The following LARS2 variants were observed in gnomAD, a reference collection of about 807,000 sequenced individuals.
LARS2 encodes the protein leucine--tRNA ligase, mitochondrial.
In LARS2, 81 loss-of-function variants were observed where a neutral mutation model predicts 116.6. That is an observed-to-expected ratio of 0.69 (90% confidence interval 0.58 to 0.84). The LOEUF (loss-of-function observed/expected upper bound fraction) is 0.84. LARS2 is among the 40% of genes least tolerant of loss of function. The pLI is 0.00. For missense variants in LARS2, 968 were observed against 1,114.5 expected, an observed-to-expected ratio of 0.87 and a Z score of 1.87; for synonymous variants, 396 against 407.2, an observed-to-expected ratio of 0.97 and a Z score of 0.33.
chr3:45,489,812 G>C (rs887864320), intron 12 of LARS2, among the ~76,000 whole-genome samples: 1 of 152,152 alleles, frequency 6.6e-6, no homozygotes, highest in Non-Finnish European at 1.5e-5. Flanking sequence ...GGTGAGGGGG[G>C]CATGGATCAG....
intron 8 of LARS2, among the ~76,000 whole-genome samples, chr3:45,472,475 CTCATCTATAAAGAG>C (rs906318625): frequency 2.6e-5 from 4 of 152,160 alleles, no homozygotes; most frequent in African/African-American, 9.7e-5. Flanking sequence ...CCTGTCTGTC[CTCATCTATAAAGAG>C]AGAGGATTCT....
chr3:45,534,320 C>T (rs1444159128), intron 20 of LARS2, among the ~76,000 whole-genome samples: 1 of 152,134 alleles, frequency 6.6e-6, no homozygotes, highest in Non-Finnish European at 1.5e-5. Context: ...TGCCTCCTGC[C>T]TCTCCCAGCA....
intron 4 of LARS2, among the ~76,000 whole-genome samples, chr3:45,410,308 CTTTTTTT>C (rs35327145): frequency 1.5e-5 from 2 of 135,772 alleles, no homozygotes; most frequent in East Asian, 4.6e-4. Context: ...GCATTGGATT[CTTTTTTT>C]TTTTTTTTTT....
chr3:45,528,297 A>G (rs957068373), intron 20 of LARS2, among the ~76,000 whole-genome samples: 1 of 152,184 alleles, frequency 6.6e-6, no homozygotes, highest in African/African-American at 2.4e-5. Flanking sequence ...TAATCATGCC[A>G]CTGTACTCCA....
chr3:45,544,091 C>T (rs930306351), intron 21 of LARS2, among the ~76,000 whole-genome samples: 2 of 152,234 alleles, frequency 1.3e-5, no homozygotes, highest in Admixed American at 6.5e-5. Flanking sequence ...CCTGGGTTCT[C>T]GCTCCATGTG....
chr3:45,521,278 C>T (rs1231782667), intron 19 of LARS2, among the ~76,000 whole-genome samples: 4 of 152,060 alleles, frequency 2.6e-5, no homozygotes, highest in East Asian at 1.9e-4. Context: ...GCACTTCAGC[C>T]TGGGCGACAA....
intron 7 of LARS2, among the ~76,000 whole-genome samples, chr3:45,449,243 A>G (rs536132758): frequency 2.0e-4 from 30 of 148,616 alleles, no homozygotes; most frequent in Admixed American, 1.6e-3. Context: ...GCTCACTGCA[A>G]CCTCCGCCTC....
At chr3:45,543,783 A>G (rs1262742848) in intron 21 of LARS2, among the ~76,000 whole-genome samples, 1 of 152,156 alleles carries the variant, frequency 6.6e-6, no homozygotes, top group African/African-American at 2.4e-5. Context: ...AAATTTATTT[A>G]ATTTGAGTAA....
At chr3:45,543,679 G>A (rs1700831617) in intron 21 of LARS2, among the ~76,000 whole-genome samples, 1 of 151,846 alleles carries the variant, frequency 6.6e-6, no homozygotes, top group Admixed American at 6.6e-5. Flanking sequence ...GGCCAGGCTG[G>A]TTTCAAACTC....
intron 13 of LARS2, among the ~76,000 whole-genome samples, chr3:45,493,356 C>T (rs1218201061): frequency 6.6e-6 from 1 of 152,198 alleles, no homozygotes; most frequent in Non-Finnish European, 1.5e-5. Flanking sequence ...GCCTAGGCCT[C>T]CCAAAGTGCT....
In LARS2 at chr3:45,394,556, G is replaced by A. The variant is rs113559893; in HGVS notation, c.103G>A (p.Gly35Arg). The part of the protein sequence containing the change: ...VIKWERRVIP[G>R]CTRSIYSATG... The stretch of plus-strand genomic sequence containing the variant: ...CAAGTGGGAAAGGAGAGTAATTCCC[G>A]GATGTACCAGAAGCATCTACAGTGC... Residue 35 changes from glycine to arginine, a missense_variant, in exon 3 of 22, where the codon GGA (glycine) becomes AGA (arginine). Gly to Arg is a moderately radical substitution (Grantham distance 125). Coordinates refer to ENST00000645846, the MANE Select transcript of LARS2 (RefSeq NM_015340.4). 2.0e-5 allele frequency: 32 copies of A among 1,613,952 alleles called. No individual in the cohort carries two copies. Among genetic ancestry groups the A allele is most frequent in the Non-Finnish European group, 2.5e-5 (29 of 1,179,822 alleles).
chr3:45,445,411 G>A (rs1699002407), intron 6 of LARS2, among the ~76,000 whole-genome samples: 2 of 152,236 alleles, frequency 1.3e-5, no homozygotes, highest in African/African-American at 4.8e-5. Context: ...GATGAATTTG[G>A]AGGTTTTGGG....
At chr3:45,474,088 C>T (rs1203198552) in intron 8 of LARS2, among the ~76,000 whole-genome samples, 155 bp from the exon 9 acceptor site, 1 of 152,194 alleles carries the variant, frequency 6.6e-6, no homozygotes, top group African/African-American at 2.4e-5. Flanking sequence ...TCTAACCTTT[C>T]CTGGCTTCCT....
At chr3:45,544,940 G>T (rs1553639884) in intron 21 of LARS2, among the ~76,000 whole-genome samples, 2 of 152,050 alleles carry the variant, frequency 1.3e-5, no homozygotes, top group Admixed American at 6.6e-5. Context: ...GGGCAGTGCT[G>T]GAGACAAAGC....
rs528188624 is a variant in LARS2, at chr3:45,422,647, G to A, written c.516+2918G>A. 3.9e-5 allele frequency among the ~76,000 whole-genome samples: 6 copies of A among 152,232 alleles called. No individual in the cohort carries two copies. The East Asian group carries it at 1.2e-3, about 29-fold the overall frequency. On this transcript the variant is annotated intron_variant, in intron 6 of 21. Transcript: ENST00000645846. Reference sequence around the variant, plus strand: ...GTCCTATCATTATACACCAAGTTCTGTTTGTGTTCATTTGATCCATTTATT... The same window carrying A: ...GTCCTATCATTATACACCAAGTTCTATTTGTGTTCATTTGATCCATTTATT...
At chr3:45,427,921 A>G (rs563576601) in intron 6 of LARS2, among the ~76,000 whole-genome samples, 1 of 150,174 alleles carries the variant, frequency 6.7e-6, no homozygotes, top group South Asian at 2.1e-4. Context: ...TCCCTCATTG[A>G]AGCAATTCTC....
At chr3:45,526,302 C>T (rs1285646056) in intron 20 of LARS2, among the ~76,000 whole-genome samples, 1 of 152,166 alleles carries the variant, frequency 6.6e-6, no homozygotes, top group Non-Finnish European at 1.5e-5. Context: ...ATCAAAAGTT[C>T]CCCAAAGGGA....
At chr3:45,536,542 G>A (rs770190279) in intron 20 of LARS2, among the ~76,000 whole-genome samples, 7 of 152,210 alleles carry the variant, frequency 4.6e-5, no homozygotes, top group East Asian at 1.9e-4. Flanking sequence ...AGGAGCACTC[G>A]GAGCCCTGGC....
chr3:45,505,779 A>G (rs978734493), intron 15 of LARS2, among the ~76,000 whole-genome samples: 1 of 152,124 alleles, frequency 6.6e-6, no homozygotes, highest in East Asian at 1.9e-4. Flanking sequence ...ACAGTAGAGC[A>G]TATTTCTGCC....
Sources: allele counts gnomAD v4.1 joint callset (sites outside exome capture counted in the v4.1 genomes callset), GRCh38; gene constraint gnomAD v4.1.1; transcripts MANE v1.5; gene names NCBI Gene and HGNC (gene_info 2026-07-23, HGNC 2026-07-21).